Variants in ANKRD36 observed in about 807,000 individuals in gnomAD.
The protein encoded by ANKRD36 is ankyrin repeat domain-containing protein 36A.
Under a neutral mutation model 278.1 loss-of-function variants are expected in ANKRD36, and 179 were observed. That is an observed-to-expected ratio of 0.64 (90% CI 0.57 to 0.73). The LOEUF (loss-of-function observed/expected upper bound fraction) is 0.73, where lower values mean the gene tolerates loss of function less well. ANKRD36 is among the 30% of genes least tolerant of loss of function. The probability of loss-of-function intolerance (pLI) is 0.00; values close to 1 mark genes in which losing one functional copy is unlikely to be tolerated. For synonymous variants in ANKRD36, 320 were observed against 641.1 expected (o/e 0.50, Z 7.57); for missense variants, 1,159 against 1,956.7 (o/e 0.59, Z 7.69).
chr2:97,127,587 G>A (rs7578377), intron 6 of ANKRD36, among the ~76,000 whole-genome samples: 89,255 of 151,514 alleles, frequency 0.59, 30,510 homozygotes, highest in Non-Finnish European at 0.78. Context: ...TTGAAAATAC[G>A]TATTTGGTAT....
At chr2:97,174,996 A>G (rs1396414430) in intron 22 of ANKRD36, among the ~76,000 whole-genome samples, 4 of 143,242 alleles carry the variant, frequency 2.8e-5, no homozygotes, top group African/African-American at 1.0e-4. Context: ...ATGGTGGATA[A>G]GCTTTTTGAT....
At position 97,118,153 on chromosome 2, in the gene ANKRD36, G is replaced by A. The variant is rs768292033; in HGVS notation, c.287G>A (p.Arg96His). Residue 96 changes from arginine (R) to histidine (H), a missense_variant, in exon 2 of 76, where the codon CGT becomes CAT. By Grantham distance (29) the Arg-to-His change is conservative. Transcript: ENST00000420699. ...SRRCELNLCD[R>H]EDRTPLIKAV... ...AGATGTGAGCTTAACCTCTGCGACC[G>A]TGAAGACAGGACACCTCTGATCAAG... The A allele has an allele frequency of 1.2e-5, 19 of 1,573,078 alleles. No homozygotes were observed. The highest frequency in any genetic ancestry group is 8.1e-5 in the African/African-American group (6 of 73,768).
intron 64 of ANKRD36, among the ~76,000 whole-genome samples, chr2:97,217,629 A>G (rs1259288170): frequency 1.3e-5 from 2 of 152,136 alleles, no homozygotes; most frequent in Admixed American, 1.3e-4. Context: ...GACATAAGAG[A>G]TAAGAGGATC....
In ANKRD36 at chr2:97,205,954, C is replaced by G. The variant is rs2062729469; in HGVS notation, c.3076C>G (p.Pro1026Ala). ...TTGCTTTTCAGTGTCTTCTCAGAAACCACCAACCTTGAAGGTAATGAAACT... is the reference window on the plus strand; with the variant it reads ...TTGCTTTTCAGTGTCTTCTCAGAAAGCACCAACCTTGAAGGTAATGAAACT... ...EKTRTVSSQK[P>A]PTLKATSDEE... The change falls in exon 51 of 76, where the codon CCA (proline) becomes GCA (alanine). Residue 1026 changes from proline (P) to alanine (A), a missense_variant. By Grantham distance (27) the Pro-to-Ala change is conservative. Coordinates refer to ENST00000420699, the MANE Select transcript of ANKRD36 (RefSeq NM_001354587.1). The G allele has an allele frequency of 1.3e-6, 2 of 1,556,152 alleles. No homozygotes were observed. The highest frequency in any genetic ancestry group is 1.7e-6 in the Non-Finnish European group (2 of 1,155,204).
intron 11 of ANKRD36, among the ~76,000 whole-genome samples, chr2:97,147,168 A>G (rs905800779): frequency 6.6e-6 from 1 of 152,008 alleles, no homozygotes; most frequent in African/African-American, 2.4e-5. Flanking sequence ...ATATATTAAA[A>G]TGATATTTCT....
chr2:97,250,543 C>A (rs1164289508), intron 75 of ANKRD36, among the ~76,000 whole-genome samples: 1 of 117,842 alleles, frequency 8.5e-6, no homozygotes, highest in Non-Finnish European at 1.5e-5. Context: ...GGCTAACAGA[C>A]CCCACACTCA....
intron 67 of ANKRD36, among the ~76,000 whole-genome samples, chr2:97,229,937 C>A (rs1357333953): frequency 2.2e-5 from 3 of 135,938 alleles, no homozygotes; most frequent in Non-Finnish European, 5.2e-5. Flanking sequence ...GTTGAAAATT[C>A]TTTTCTTTAA....
In ANKRD36 at chr2:97,113,620, C is replaced by T; in HGVS notation, c.-120C>T. On this transcript the variant is annotated 5_prime_UTR_variant, in exon 1 of 76. Coordinates refer to ENST00000420699, the MANE Select transcript of ANKRD36 (RefSeq NM_001354587.1). ...CGTTTCTGCTGAGAGGCGGGAGGCG[C>T]TGAGAGTCTGTGCGGAGGTCCGTGG... The T allele has an allele frequency of 7.7e-7, 1 of 1,306,824 alleles. No individual in the cohort carries two copies. The highest frequency in any genetic ancestry group is 1.3e-5 in the South Asian group (1 of 75,624). 81.0% of individuals were successfully genotyped at this position (1,306,824 alleles called of 1,614,324 possible). A position where few individuals can be genotyped will look rare whatever the true frequency, so the allele number is the denominator to read the frequency against.
chr2:97,237,495 A>G (rs1404426349), intron 68 of ANKRD36, among the ~76,000 whole-genome samples: 2 of 150,730 alleles, frequency 1.3e-5, no homozygotes, highest in Non-Finnish European at 2.9e-5. Context: ...GCTGTCTCTT[A>G]CCCTTAGGCA....
chr2:97,219,497 T>C (rs2066830317), intron 66 of ANKRD36, among the ~76,000 whole-genome samples: 1 of 151,070 alleles, frequency 6.6e-6, no homozygotes, highest in Non-Finnish European at 1.5e-5. Context: ...TTTTTGTTTT[T>C]GGAGACAGAG....
intron 42 of ANKRD36, 105 bp from the exon 43 acceptor site, chr2:97,198,358 C>T: frequency 6.5e-7 from 1 of 1,540,728 alleles, no homozygotes; most frequent in Non-Finnish European, 8.8e-7. Context: ...AAAGCGTACA[C>T]TAATACAGGC....
At chr2:97,138,659 G>A (rs1485649376) in intron 6 of ANKRD36, among the ~76,000 whole-genome samples, 10 of 151,978 alleles carry the variant, frequency 6.6e-5, no homozygotes, top group Non-Finnish European at 1.5e-4. Flanking sequence ...CAAATTTTGA[G>A]GCATCATGCT....
chr2:97,202,770 A>T (rs1411261667), intron 48 of ANKRD36, among the ~76,000 whole-genome samples: 2 of 151,742 alleles, frequency 1.3e-5, no homozygotes, highest in Admixed American at 6.6e-5. Context: ...CAGACAGAAA[A>T]CTTCTTGTAA....
rs1201490268 is a variant in ANKRD36, at chr2:97,215,646, C to T, written c.3673+149C>T. 9.7e-6 allele frequency: 15 copies of T among 1,545,924 alleles called. 1 individual carries two copies. The highest frequency in any genetic ancestry group is 1.3e-5 in the Non-Finnish European group (15 of 1,143,806). On this transcript the variant is annotated intron_variant, in intron 62 of 75. Coordinates refer to ENST00000420699, the MANE Select transcript of ANKRD36 (RefSeq NM_001354587.1). ...CATTTGTAATAAGTCCTCAGGTGAC[C>T]CTGATGGTGCTGGTCCTTGACCATG...
At chr2:97,122,315 C>A (rs1426197598) in intron 3 of ANKRD36, among the ~76,000 whole-genome samples, 3 of 150,558 alleles carry the variant, frequency 2.0e-5, no homozygotes, top group Non-Finnish European at 4.4e-5. Flanking sequence ...CAAAAGATTT[C>A]TCAAATACTA....
At chr2:97,207,719 G>C in intron 52 of ANKRD36, 92 bp from the exon 53 acceptor site, 1 of 1,527,858 alleles carries the variant, frequency 6.5e-7, no homozygotes, top group Non-Finnish European at 8.9e-7. Flanking sequence ...ATACAGGCAG[G>C]AGGACAGAGG....
Position 97,192,479 on chromosome 2 carries a change from G to T in ANKRD36, c.2348-379G>T, listed in dbSNP as rs2058735579. On this transcript the variant is annotated intron_variant, in intron 36 of 75. Coordinates refer to ENST00000420699, the MANE Select transcript of ANKRD36 (RefSeq NM_001354587.1). ...ATGGTGTAAATCCTTTTGATTTGTT[G>T]CATGAAAGACATGTGGGATCATGTA... 2.6e-5 allele frequency among the ~76,000 whole-genome samples: 4 copies of T among 151,662 alleles called. No individual in the cohort carries two copies. In the Admixed American group the frequency reaches 2.6e-4, roughly 10 times the overall value.
chr2:97,172,577 G>C (rs1246079974), intron 22 of ANKRD36, among the ~76,000 whole-genome samples: 2 of 151,996 alleles, frequency 1.3e-5, no homozygotes, highest in African/African-American at 4.8e-5. Flanking sequence ...ATGTCTTTTT[G>C]ACATGTCCTG....
chr2:97,221,671 G>A (rs1192382228), intron 66 of ANKRD36, among the ~76,000 whole-genome samples: 7 of 150,734 alleles, frequency 4.6e-5, no homozygotes, highest in South Asian at 2.1e-4. Context: ...GTAGATTCTG[G>A]ATATTAGCCC....
Sources: allele counts gnomAD v4.1 joint callset (sites outside exome capture counted in the v4.1 genomes callset), GRCh38; gene constraint gnomAD v4.1.1; transcripts MANE v1.5; gene names NCBI Gene and HGNC (gene_info 2026-07-23, HGNC 2026-07-21).